Variants in PHACTR3 observed in about 807,000 individuals in gnomAD.
PHACTR3 encodes phosphatase and actin regulator 3.
Under a neutral mutation model 66.8 loss-of-function variants are expected in PHACTR3, and 16 were observed. That is an observed-to-expected ratio of 0.24 (90% CI 0.16 to 0.36). The LOEUF (loss-of-function observed/expected upper bound fraction) is 0.36, where lower values mean the gene tolerates loss of function less well. PHACTR3 is among the 10% of genes least tolerant of loss of function. The pLI is 1.00. For synonymous variants in PHACTR3, 323 were observed against 292.1 expected (o/e 1.11, Z -1.08); for missense variants, 647 against 719.9 (o/e 0.90, Z 1.16).
At chr20:59,831,366 G>C (rs1251436571) in intron 8 of PHACTR3, among the ~76,000 whole-genome samples, 1 of 152,204 alleles carries the variant, frequency 6.6e-6, no homozygotes, top group Non-Finnish European at 1.5e-5. Context: ...GCAGGGACCA[G>C]GTAGGGAGAC....
chr20:59,663,671 A>G (rs1455692596), intron 1 of PHACTR3, among the ~76,000 whole-genome samples: 1 of 152,176 alleles, frequency 6.6e-6, no homozygotes, highest in African/African-American at 2.4e-5. Flanking sequence ...TGCCGCGTGC[A>G]GGAGGTTCCC....
chr20:59,602,663 C>T (rs1201132071), upstream of PHACTR3, among the ~76,000 whole-genome samples: 11 of 152,188 alleles, frequency 7.2e-5, no homozygotes, highest in Non-Finnish European at 1.2e-4. Flanking sequence ...CCTTCCTGCC[C>T]ATCCCCACCA....
At chr20:59,789,451 G>A (rs1273940580) in intron 7 of PHACTR3, among the ~76,000 whole-genome samples, 3 of 144,498 alleles carry the variant, frequency 2.1e-5, no homozygotes, top group Non-Finnish European at 4.5e-5. Flanking sequence ...AGCTCAAACA[G>A]AATGAAGAGA....
chr20:59,674,226 C>T lies in PHACTR3; in HGVS notation c.119-68881C>T, dbSNP rs540334799. Among the ~76,000 whole-genome samples the T allele has an allele frequency of 1.8e-3, 262 of 148,484 alleles. 5 individuals are homozygous for T. The highest frequency in any genetic ancestry group is 2.9e-3 in the Non-Finnish European group (194 of 67,986). ...TTGTCAAGACAGCCTGTGGCTGCTGCGTTTAGAGACCCAGAGACCCTGAAT... is the reference window on the plus strand; with the variant it reads ...TTGTCAAGACAGCCTGTGGCTGCTGTGTTTAGAGACCCAGAGACCCTGAAT... On this transcript the variant is annotated intron_variant, in intron 1 of 12. Transcript: ENST00000371015.
chr20:59,814,477 C>G (rs1261743338), intron 8 of PHACTR3, among the ~76,000 whole-genome samples: 1 of 152,188 alleles, frequency 6.6e-6, no homozygotes, highest in African/African-American at 2.4e-5. Context: ...TTTGGCAGTG[C>G]TTCCATCCAC....
rs550533407 is a variant in PHACTR3 at position 59,847,204 on chromosome 20, G to A, written c.*74G>A. Reference sequence around the variant, plus strand: ...TGAACATTCATCAGGGAACTTTCCTGAAGTTCAGCTCAAGACTACCCTACC... The same window carrying A: ...TGAACATTCATCAGGGAACTTTCCTAAAGTTCAGCTCAAGACTACCCTACC... On this transcript the variant is annotated 3_prime_UTR_variant, in exon 13 of 13. Transcript: ENST00000371015. The A allele has an allele frequency of 9.4e-6, 11 of 1,172,340 alleles. No individual in the cohort carries two copies. In the African/African-American group the frequency reaches 1.7e-4, roughly 18 times the overall value. 72.6% of individuals were successfully genotyped at this position (1,172,340 alleles called of 1,614,324 possible). A position where few individuals can be genotyped will look rare whatever the true frequency, so the allele number is the denominator to read the frequency against.
At chr20:59,646,683 GA>G (rs2035291162) in intron 1 of PHACTR3, among the ~76,000 whole-genome samples, 1 of 152,200 alleles carries the variant, frequency 6.6e-6, no homozygotes, top group African/African-American at 2.4e-5. Context: ...GCCTGGAGGG[GA>G]GCATGCATCC....
intron 1 of PHACTR3, among the ~76,000 whole-genome samples, chr20:59,661,081 T>G (rs747726077): frequency 5.3e-5 from 8 of 152,234 alleles, no homozygotes; most frequent in Admixed American, 1.3e-4. Context: ...GGCAGTGGAT[T>G]ATGCCAGTTT....
At chr20:59,719,174 C>T (rs933407752) in intron 1 of PHACTR3, among the ~76,000 whole-genome samples, 1 of 151,352 alleles carries the variant, frequency 6.6e-6, no homozygotes, top group Non-Finnish European at 1.5e-5. Flanking sequence ...TTAGCTTTTT[C>T]TTTTTTTTTG....
chr20:59,630,280 T>G (rs1470046543), intron 1 of PHACTR3, among the ~76,000 whole-genome samples: 1 of 14,744 alleles, frequency 6.8e-5, no homozygotes, highest in African/African-American at 1.5e-4. Context: ...CCTCCCAGGT[T>G]CAAGTGATTC....
intron 1 of PHACTR3, among the ~76,000 whole-genome samples, chr20:59,588,620 C>T (rs777221477): frequency 1.6e-4 from 25 of 152,320 alleles, no homozygotes; most frequent in African/African-American, 5.8e-4. Flanking sequence ...CCTCAGCCTC[C>T]CGCCATCTTC....
intron 1 of PHACTR3, among the ~76,000 whole-genome samples, chr20:59,726,151 A>C (rs1241347344): frequency 6.6e-6 from 1 of 152,188 alleles, no homozygotes; most frequent in Non-Finnish European, 1.5e-5. Flanking sequence ...ATCCTTGATA[A>C]ATTTTTAATT....
chr20:59,644,761 C>T (rs560295104), intron 1 of PHACTR3, among the ~76,000 whole-genome samples: 2 of 152,332 alleles, frequency 1.3e-5, no homozygotes, highest in East Asian at 1.9e-4. Context: ...GGTTCTCTGT[C>T]GCTTCTCCTG....
At chr20:59,686,059 C>A (rs958041445) in intron 1 of PHACTR3, among the ~76,000 whole-genome samples, 1 of 152,228 alleles carries the variant, frequency 6.6e-6, no homozygotes, top group Non-Finnish European at 1.5e-5. Flanking sequence ...CTACCCCCCC[C>A]ATACCTAACT....
chr20:59,678,743 A>G (rs1301206975), intron 1 of PHACTR3, among the ~76,000 whole-genome samples: 2 of 152,220 alleles, frequency 1.3e-5, no homozygotes, highest in Non-Finnish European at 2.9e-5. Flanking sequence ...TAACTTTAGA[A>G]GATGCAAAAC....
chr20:59,815,900 C>T (rs1600706747), intron 8 of PHACTR3, among the ~76,000 whole-genome samples: 1 of 152,210 alleles, frequency 6.6e-6, no homozygotes, highest in South Asian at 2.1e-4. Context: ...TTGTCTAGAG[C>T]AGCAGTCCCC....
chr20:59,601,437 G>T (rs2033475999), upstream of PHACTR3, among the ~76,000 whole-genome samples: 1 of 152,202 alleles, frequency 6.6e-6, no homozygotes, highest in African/African-American at 2.4e-5. Flanking sequence ...TTCCAATAGG[G>T]TTTCTGCAAT....
rs75862152 is a variant in PHACTR3 at position 59,830,701 on chromosome 20, C to A, written c.1329-5804C>A. Among the ~76,000 whole-genome samples, 205 of 152,264 alleles carry A rather than the reference C, an allele frequency of 1.3e-3. No individual in the cohort carries two copies. The highest frequency in any genetic ancestry group is 4.4e-3 in the African/African-American group (182 of 41,552). On this transcript the variant is annotated intron_variant, in intron 8 of 12. Transcript: ENST00000371015. The surrounding 1 kb of genome is among the most constrained non-coding windows in gnomAD (Gnocchi z 5.8). ...TGATGCCACCTATTTGTGTGTCAAC[C>A]TCCTCCTGTATTTAGTGTTCTCGAC...
intron 1 of PHACTR3, among the ~76,000 whole-genome samples, chr20:59,639,857 A>C (rs543001934): frequency 6.6e-6 from 1 of 152,296 alleles, no homozygotes; most frequent in East Asian, 1.9e-4. Flanking sequence ...CTGGGATATA[A>C]ATTTTTGAAA....
Sources: gnomAD v4.1 joint callset for allele counts (sites outside exome capture counted in the v4.1 genomes callset) on GRCh38, gnomAD v4.1.1 for gene constraint, Gnocchi (gnomAD v3.1) non-coding constraint, MANE v1.5 for transcripts, NCBI Gene and HGNC (gene_info 2026-07-23, HGNC 2026-07-21) for gene names.